CPB2: variants seen among roughly 807,000 people sequenced by gnomAD.
CPB2 encodes the protein carboxypeptidase B-like protein.
A neutral mutation model predicts 57.0 loss-of-function variants in CPB2; 54 were observed. The ratio of observed to expected loss-of-function variants is 0.95; its 90% CI spans 0.76 to 1.19. The LOEUF is 1.19. CPB2 is among the 50% of genes most tolerant of loss of function. CPB2 has a pLI of 0.00. For missense variants in CPB2, 426 were observed against 512.0 expected (o/e 0.83, Z 1.62); for synonymous variants, 189 against 178.1 (o/e 1.06, Z -0.49).
intron 8 of CPB2, 29 bp from the exon 9 acceptor site, chr13:46,058,410 T>C: frequency 6.3e-7 from 1 of 1,593,242 alleles, no homozygotes; most frequent in Non-Finnish European, 8.6e-7. Flanking sequence ...GGTGAAATTA[T>C]GAGGGGATGC....
chr13:46,084,546 TA>T (rs201269914), intron 2 of CPB2, among the ~76,000 whole-genome samples: 7 of 150,122 alleles, frequency 4.7e-5, no homozygotes, highest in African/African-American at 7.3e-5. Context: ...CTCTAGTTGC[TA>T]AAAAAAAATA....
chr13:46,053,284 A>G lies in CPB2; in HGVS notation c.*330T>C, dbSNP rs369449343. 33 of 200,820 alleles carry G rather than the reference A, an allele frequency of 1.6e-4. No homozygotes were observed. The East Asian group carries it at 2.7e-3, about 17-fold the overall frequency. 12.4% of individuals were successfully genotyped at this position (200,820 alleles called of 1,614,324 possible). A position where few individuals can be genotyped will look rare whatever the true frequency, so the allele number is the denominator to read the frequency against. On this transcript the variant is annotated 3_prime_UTR_variant, in exon 11 of 11. Coordinates refer to ENST00000181383, the MANE Select transcript of CPB2 (RefSeq NM_001872.5). ...CCTTCCTTTTGTTGAGTAGGATCCA[A>G]TGATCAGCGTGAGATGATCATTGAT...
rs1188540834 is a variant in CPB2 at position 46,078,797 on chromosome 13, T to C, written c.486+3A>G. ...AAGATCAACAACTTTCCCCACAACATACCTTTAAAACATAGAGTGGGTACT... is the reference window on the plus strand; with the variant it reads ...AAGATCAACAACTTTCCCCACAACACACCTTTAAAACATAGAGTGGGTACT... On this transcript the variant is annotated splice_donor_region_variant and intron_variant, in intron 5 of 10. Coordinates refer to ENST00000181383, the MANE Select transcript of CPB2 (RefSeq NM_001872.5). 1 of 1,582,086 alleles carries C rather than the reference T, an allele frequency of 6.3e-7. No homozygotes were observed. Among genetic ancestry groups the C allele is most frequent in the East Asian group, 2.2e-5 (1 of 44,700 alleles).
chr13:46,095,874 G>C (rs908248232), intron 1 of CPB2, among the ~76,000 whole-genome samples: 47 of 112,970 alleles, frequency 4.2e-4, no homozygotes, highest in Middle Eastern at 5.1e-3. Context: ...CTGGCTATAG[G>C]ACTTTTTTTT....
At chr13:46,071,761 A>G (rs972330098) in intron 6 of CPB2, among the ~76,000 whole-genome samples, 18 of 152,182 alleles carry the variant, frequency 1.2e-4, no homozygotes, top group African/African-American at 4.3e-4. Context: ...GGTGATGTGA[A>G]AAAAAGAGCA....
rs536327894 is a variant in CPB2 at position 46,058,698 on chromosome 13, C to T, written c.797-317G>A. 2.0e-5 allele frequency among the ~76,000 whole-genome samples: 3 copies of T among 152,274 alleles called. 1 individual carries two copies. The South Asian group carries it at 6.2e-4, about 32-fold the overall frequency. On this transcript the variant is annotated intron_variant, in intron 8 of 10. Coordinates refer to ENST00000181383, the MANE Select transcript of CPB2 (RefSeq NM_001872.5). ...ATGGTTATGGGAGAAAAAATAAACC[C>T]CACTTTCCTTAATCCACTGTAAATT...
intron 8 of CPB2, among the ~76,000 whole-genome samples, chr13:46,060,589 C>CT (rs2044758103): frequency 6.6e-6 from 1 of 152,012 alleles, no homozygotes; most frequent in Non-Finnish European, 1.5e-5. Context: ...TTTTATGTTA[C>CT]TTTTTTCATA....
intron 3 of CPB2, among the ~76,000 whole-genome samples, chr13:46,082,867 T>C (rs1270984346): frequency 6.6e-6 from 1 of 152,194 alleles, no homozygotes; most frequent in Non-Finnish European, 1.5e-5. Flanking sequence ...TATGAATATA[T>C]GGATTAATGT....
chr13:46,091,375 C>G (rs1030716331), intron 1 of CPB2, among the ~76,000 whole-genome samples: 1 of 152,084 alleles, frequency 6.6e-6, no homozygotes, highest in Admixed American at 6.5e-5. Context: ...TTTTGTCTTG[C>G]TGTGTTGCCT....
intron 1 of CPB2, among the ~76,000 whole-genome samples, chr13:46,095,343 T>G (rs1250898938): frequency 6.6e-6 from 1 of 151,720 alleles, no homozygotes; most frequent in Non-Finnish European, 1.5e-5. Context: ...AATTCATCCT[T>G]GAGGGGAAAT....
chr13:46,059,218 A>T (rs1435778200), intron 8 of CPB2, among the ~76,000 whole-genome samples: 1 of 152,144 alleles, frequency 6.6e-6, no homozygotes, highest in Non-Finnish European at 1.5e-5. Context: ...TACGTCAGGA[A>T]CTCTGCTAAG....
intron 8 of CPB2, among the ~76,000 whole-genome samples, chr13:46,060,331 G>GGTTAAAAAACACTATAGTCTC (rs1566397557): frequency 6.6e-6 from 1 of 151,868 alleles, no homozygotes; most frequent in African/African-American, 2.4e-5. Flanking sequence ...GCATAGTGGT[G>GGTTAAAAAACACTATAGTCTC]CACGCCTGTA....
Position 46,082,457 on chromosome 13 carries a change from T to C in CPB2, c.368A>G (p.Tyr123Cys), listed in dbSNP as rs972520459. ...PRASASYYEQ[Y>C]HSLNEIYSWI... ...ATGGCTTACTTCATTTAGTGAGTGATACTGTTCATAGTACGATGCGGAGGC... is the reference window on the plus strand; with the variant it reads ...ATGGCTTACTTCATTTAGTGAGTGACACTGTTCATAGTACGATGCGGAGGC... The change falls in exon 4 of 11, where the codon TAT (tyrosine) becomes TGT (cysteine). Residue 123 changes from tyrosine (Y) to cysteine (C), a missense_variant. Physicochemically the swap from Tyr to Cys is radical, Grantham distance 194 (BLOSUM62 -2). Coordinates refer to ENST00000181383, the MANE Select transcript of CPB2 (RefSeq NM_001872.5). 9 of 1,608,740 alleles carry C rather than the reference T, an allele frequency of 5.6e-6. No individual in the cohort carries two copies. The highest frequency in any genetic ancestry group is 6.8e-6 in the Non-Finnish European group (8 of 1,175,726).
intron 10 of CPB2, 112 bp from the exon 11 acceptor site, chr13:46,053,910 A>C: frequency 9.6e-7 from 1 of 1,039,324 alleles, no homozygotes; most frequent in South Asian, 1.7e-5. Context: ...GATTTTTTTC[A>C]GTTTTTAACT....
chr13:46,084,210 G>A lies in CPB2; in HGVS notation c.275+9C>T, dbSNP rs373372763. On this transcript the variant is annotated intron_variant, in intron 3 of 10. Transcript: ENST00000181383. Reference sequence around the variant, plus strand: ...AATAACTACTCAATACGTATTGAACGGTGCCTACCTGCATGGAATTCCGCT... The same window carrying A: ...AATAACTACTCAATACGTATTGAACAGTGCCTACCTGCATGGAATTCCGCT... 4.5e-5 allele frequency: 72 copies of A among 1,613,774 alleles called. No individual in the cohort carries two copies. Among genetic ancestry groups the A allele is most frequent in the African/African-American group, 1.3e-4 (10 of 74,914 alleles).
chr13:46,065,246 G>A (rs950378533), intron 7 of CPB2, among the ~76,000 whole-genome samples: 3 of 152,090 alleles, frequency 2.0e-5, no homozygotes, highest in African/African-American at 7.2e-5. Flanking sequence ...TGACTTCTTC[G>A]ATTGTGCTGA....
At chr13:46,059,986 C>T (rs1686443050) in intron 8 of CPB2, among the ~76,000 whole-genome samples, 1 of 152,084 alleles carries the variant, frequency 6.6e-6, no homozygotes, top group Admixed American at 6.6e-5. Context: ...TATTCCTGCC[C>T]TTTTATGTGA....
intron 5 of CPB2, among the ~76,000 whole-genome samples, chr13:46,077,577 T>G (rs761116064): frequency 1.3e-5 from 2 of 152,174 alleles, no homozygotes; most frequent in Non-Finnish European, 2.9e-5. Context: ...TTATTGGGTA[T>G]GTATCCAAAA....
intron 2 of CPB2, 70 bp from the exon 3 acceptor site, chr13:46,084,413 A>G: frequency 6.4e-7 from 1 of 1,551,566 alleles, no homozygotes; most frequent in Non-Finnish European, 8.8e-7. Flanking sequence ...CTGTAGCTAG[A>G]GCCATGACAG....
Sources: gnomAD v4.1 joint callset for allele counts (sites outside exome capture counted in the v4.1 genomes callset) on GRCh38, gnomAD v4.1.1 for gene constraint, MANE v1.5 for transcripts, NCBI Gene and HGNC (gene_info 2026-07-23, HGNC 2026-07-21) for gene names.